Variants in DNAH7 observed in about 807,000 individuals in gnomAD.
DNAH7 encodes the protein axonemal beta dynein heavy chain 7.
Under a neutral mutation model 444.6 loss-of-function variants are expected in DNAH7, and 397 were observed. That is an observed-to-expected ratio of 0.89 (90% CI 0.82 to 0.97). DNAH7 has a LOEUF of 0.97. DNAH7 is among the 50% of genes least tolerant of loss of function. The pLI, the probability that DNAH7 is intolerant of heterozygous loss-of-function variation, is 0.00. For synonymous variants in DNAH7, 1,636 were observed against 1,624.4 expected (o/e 1.01, Z -0.17); for missense variants, 4,902 against 4,800.8 (o/e 1.02, Z -0.62).
At chr2:195,898,556 T>G (rs1686488604) in intron 28 of DNAH7, among the ~76,000 whole-genome samples, 1 of 152,134 alleles carries the variant, frequency 6.6e-6, no homozygotes, top group Admixed American at 6.5e-5. Context: ...TTAGATGACA[T>G]AATAACAGTA....
chr2:196,055,095 C>A (rs1042560051), intron 2 of DNAH7, among the ~76,000 whole-genome samples: 3 of 152,210 alleles, frequency 2.0e-5, no homozygotes, highest in Non-Finnish European at 2.9e-5. Context: ...TGGCTCACAG[C>A]TGTAATCCCA....
At chr2:195,892,069 C>T (rs967696356) in intron 30 of DNAH7, among the ~76,000 whole-genome samples, 13 of 151,742 alleles carry the variant, frequency 8.6e-5, no homozygotes, top group African/African-American at 3.2e-4. Context: ...AAGAAATTAG[C>T]AAATGTTGTG....
chr2:195,746,294 C>T (rs995233323), intron 63 of DNAH7, among the ~76,000 whole-genome samples: 1 of 152,032 alleles, frequency 6.6e-6, no homozygotes, highest in South Asian at 2.1e-4. Flanking sequence ...ACAAGAAGAG[C>T]TAACTATCCT....
chr2:195,942,688 C>A (rs891387531), intron 19 of DNAH7, among the ~76,000 whole-genome samples: 1 of 152,010 alleles, frequency 6.6e-6, no homozygotes, highest in African/African-American at 2.4e-5. Context: ...TAGATTTCAT[C>A]TAGAAAAGCC....
rs1446327005 is a variant in DNAH7, at chr2:195,872,431, T to G, written c.6452A>C (p.Gln2151Pro). Residue 2151 changes from glutamine to proline, a missense_variant, in exon 40 of 65, where the codon CAA becomes CCA. By Grantham distance (76) the Gln-to-Pro change is moderately conservative. Transcript: ENST00000312428. ...FPDEFLDLTT[Q>P]IVNGTMTLYK... ...CAGAGTCATTGTGCCATTTACGATT[T>G]GTGTGGTCAAATCTAGAAATTCATC... is the stretch of plus-strand genomic sequence containing the variant. 1 of 1,606,144 alleles carries G rather than the reference T, an allele frequency of 6.2e-7. No homozygotes were observed. Among genetic ancestry groups the G allele is most frequent in the Non-Finnish European group, 8.5e-7 (1 of 1,176,076 alleles).
intron 19 of DNAH7, among the ~76,000 whole-genome samples, chr2:195,944,756 GCT>G (rs1405740551): frequency 1.3e-5 from 2 of 151,944 alleles, no homozygotes; most frequent in African/African-American, 2.4e-5. Context: ...GAAATAAAAG[GCT>G]CTTTTAGCAA....
rs561545364 is a variant in DNAH7 at position 196,056,773 on chromosome 2, G to C, written c.78+1281C>G. On this transcript the variant is annotated intron_variant, in intron 2 of 64. Coordinates refer to ENST00000312428, the MANE Select transcript of DNAH7 (RefSeq NM_018897.3). ...ACTCTCCTCAGTCTCTTATTATTGC[G>C]TCTCAAATACACTACCTGCACACAA... 2.0e-5 allele frequency among the ~76,000 whole-genome samples: 3 copies of C among 152,094 alleles called. No homozygotes were observed. In the East Asian group the frequency reaches 5.8e-4, roughly 29 times the overall value.
intron 12 of DNAH7, among the ~76,000 whole-genome samples, chr2:195,990,732 G>C (rs1366689713): frequency 2.0e-5 from 3 of 148,656 alleles, no homozygotes; most frequent in Non-Finnish European, 4.5e-5. Context: ...CTATGTGTTT[G>C]TTTTTATGCC....
chr2:196,060,199 CAG>C (rs953229012), intron 1 of DNAH7, among the ~76,000 whole-genome samples: 2 of 152,078 alleles, frequency 1.3e-5, no homozygotes, highest in African/African-American at 4.8e-5. Flanking sequence ...GCCTGGGCAA[CAG>C]AGAGAGACAC....
At chr2:195,973,072 G>C (rs1691955373) in intron 15 of DNAH7, among the ~76,000 whole-genome samples, 1 of 152,206 alleles carries the variant, frequency 6.6e-6, no homozygotes, top group Non-Finnish European at 1.5e-5. Flanking sequence ...TGAAACAAGT[G>C]GAGAGGGCTG....
Position 196,006,085 on chromosome 2 carries a change from A to G in DNAH7, c.990-4227T>C, listed in dbSNP as rs554388763. Among the ~76,000 whole-genome samples the G allele has an allele frequency of 5.9e-5, 9 of 152,264 alleles. No homozygotes were observed. The East Asian group carries it at 1.7e-3, about 29-fold the overall frequency. On this transcript the variant is annotated intron_variant, in intron 10 of 64. Transcript: ENST00000312428. ...TCCCAACACTTTGGGAGGCTGAGTC[A>G]GGAGGATTGCTTGAGTCCAGGAGTT...
Position 195,834,344 on chromosome 2 carries a change from G to T in DNAH7, c.8962C>A (p.Pro2988Thr). 1 of 1,594,016 alleles carries T rather than the reference G, an allele frequency of 6.3e-7. No homozygotes were observed. Among genetic ancestry groups the T allele is most frequent in the South Asian group, 1.1e-5 (1 of 89,064 alleles). ...TGACTTTGAGGATCTATCATCAGAG[G>T]CCACCTTCTTGCATTCCTGAAAAGG... is the stretch of plus-strand genomic sequence containing the variant. ...GIIIMNARRW[P>T]LMIDPQSQAN... Residue 2988 changes from proline to threonine, a missense_variant, in exon 48 of 65, where the codon CCT (proline) becomes ACT (threonine). Coordinates refer to ENST00000312428, the MANE Select transcript of DNAH7 (RefSeq NM_018897.3).
chr2:195,953,586 A>C (rs916723080), intron 19 of DNAH7, among the ~76,000 whole-genome samples: 1 of 152,178 alleles, frequency 6.6e-6, no homozygotes, highest in Non-Finnish European at 1.5e-5. Context: ...AGTTTTATCT[A>C]TAAGCCCCTG....
chr2:196,032,871 A>G (rs73044626), intron 5 of DNAH7, among the ~76,000 whole-genome samples: 4,597 of 152,306 alleles, frequency 0.03, 230 homozygotes, highest in African/African-American at 0.1. Context: ...CGAACAAAAT[A>G]CTAGCAAATC....
At position 196,001,671 on chromosome 2, in the gene DNAH7, T is replaced by G. The variant is rs35103315; in HGVS notation, c.1173+4A>C. 788 of 1,543,002 alleles carry G rather than the reference T, an allele frequency of 5.1e-4. 1 individual carries two copies. Among genetic ancestry groups the G allele is most frequent in the Non-Finnish European group, 6.6e-4 (755 of 1,145,562 alleles). Reference sequence around the variant, plus strand: ...TACATATTGGTGAACTGAACCATACTTACTGGGGGTTGTGCAATTAAGTCC... The same window carrying G: ...TACATATTGGTGAACTGAACCATACGTACTGGGGGTTGTGCAATTAAGTCC... On this transcript the variant is annotated splice_donor_region_variant and intron_variant, in intron 11 of 64. Coordinates refer to ENST00000312428, the MANE Select transcript of DNAH7 (RefSeq NM_018897.3).
chr2:195,767,824 A>G (rs911200439), intron 61 of DNAH7, among the ~76,000 whole-genome samples: 30 of 151,966 alleles, frequency 2.0e-4, no homozygotes, highest in Non-Finnish European at 3.8e-4. Flanking sequence ...TGTCAATATT[A>G]TCAAAGATAA....
intron 63 of DNAH7, among the ~76,000 whole-genome samples, chr2:195,753,912 G>A (rs1434046536): frequency 2.0e-5 from 3 of 152,064 alleles, no homozygotes; most frequent in African/African-American, 7.2e-5. Context: ...TGCTTCAAGG[G>A]ACCAGGAAAA....
chr2:195,902,520 G>T (rs1004571060), intron 27 of DNAH7: 2 of 152,024 alleles, frequency 1.3e-5, no homozygotes, highest in Non-Finnish European at 2.9e-5. Context: ...TGGGGTTAGG[G>T]TGGTAAAGTT....
intron 8 of DNAH7, among the ~76,000 whole-genome samples, chr2:196,021,931 A>C (rs2125761377): frequency 6.6e-6 from 1 of 152,282 alleles, no homozygotes; most frequent in African/African-American, 2.4e-5. Context: ...GTTTGAGACA[A>C]GCCTGGCCAA....
Sources: gnomAD v4.1 joint callset for allele counts (sites outside exome capture counted in the v4.1 genomes callset) on GRCh38, gnomAD v4.1.1 for gene constraint, MANE v1.5 for transcripts, NCBI Gene and HGNC (gene_info 2026-07-23, HGNC 2026-07-21) for gene names.